The following TBK1 variants were observed in gnomAD, a reference collection of about 807,000 sequenced individuals.
The protein encoded by TBK1 is TANK binding kinase 1.
TBK1 carries 37 observed loss-of-function variants against 99.9 expected under a neutral mutation model. The ratio of observed to expected loss-of-function variants is 0.37; its 90% CI spans 0.28 to 0.49. The LOEUF is 0.49. Ranked by LOEUF, TBK1 falls within the 20% of genes least tolerant of loss-of-function variation. The probability of loss-of-function intolerance (pLI) is 0.98; values close to 1 mark genes in which losing one functional copy is unlikely to be tolerated. For synonymous variants in TBK1, 258 were observed against 279.8 expected (o/e 0.92, Z 0.78); for missense variants, 644 against 872.5 (o/e 0.74, Z 3.30).
At chr12:64,495,343 TA>T in intron 13 of TBK1, 139 bp from the exon 14 acceptor site, 3 of 1,121,850 alleles carry the variant, frequency 2.7e-6, no homozygotes, top group Non-Finnish European at 3.8e-6. Context: ...CTTTTGTATT[TA>T]AAAATGGAAA....
chr12:64,498,297 AACTT>A (rs2040950803), intron 20 of TBK1, among the ~76,000 whole-genome samples: 1 of 152,234 alleles, frequency 6.6e-6, no homozygotes, highest in Non-Finnish European at 1.5e-5. Context: ...TTATTTTTAT[AACTT>A]AATTCATTGG....
chr12:64,475,763 C>T (rs2040705307), intron 6 of TBK1, among the ~76,000 whole-genome samples: 1 of 152,094 alleles, frequency 6.6e-6, no homozygotes, highest in Non-Finnish European at 1.5e-5. Flanking sequence ...TCCAGTCTGC[C>T]ATTGATGGGA....
chr12:64,500,321 C>T (rs1333782605), intron 20 of TBK1, among the ~76,000 whole-genome samples: 1 of 152,146 alleles, frequency 6.6e-6, no homozygotes, highest in East Asian at 1.9e-4. Flanking sequence ...AAGGTACCAC[C>T]TTTCTCCTAC....
At chr12:64,474,440 C>A in intron 6 of TBK1, 50 bp downstream of exon 6, 2 of 1,548,288 alleles carry the variant, frequency 1.3e-6, no homozygotes, top group Non-Finnish European at 1.8e-6. Context: ...AAAATGATTT[C>A]TGTCTTGGTT....
chr12:64,484,014 C>T (rs948892756), intron 8 of TBK1: 5 of 44,998 alleles, frequency 1.1e-4, no homozygotes, highest in African/African-American at 1.8e-4. Flanking sequence ...CTCACATACA[C>T]ACACACACAC....
In TBK1 at chr12:64,484,203, G is replaced by C. The variant is rs555968758; in HGVS notation, c.993-100G>C. On this transcript the variant is annotated intron_variant, in intron 8 of 20. Transcript: ENST00000331710. ...TTTATATGGACTGGTTATGATATTAGGGATATGAATTAGAAATGGATGTTG... is the reference window on the plus strand; with the variant it reads ...TTTATATGGACTGGTTATGATATTACGGATATGAATTAGAAATGGATGTTG... 2.5e-5 allele frequency: 19 copies of C among 751,436 alleles called. No individual in the cohort carries two copies. In the Admixed American group the frequency reaches 3.5e-4, roughly 14 times the overall value. The allele number at this position is 751,436 out of a possible 1,614,324, so 46.5% of individuals were successfully genotyped here. A position where few individuals can be genotyped will look rare whatever the true frequency, so the allele number is the denominator to read the frequency against.
At chr12:64,472,658 T>G (rs2040674060) in intron 5 of TBK1, among the ~76,000 whole-genome samples, 1 of 28,904 alleles carries the variant, frequency 3.5e-5, no homozygotes, top group East Asian at 1.3e-3. Context: ...GTGACTATGG[T>G]ATTAGTGCAG....
chr12:64,478,205 C>T (rs368317500), intron 6 of TBK1, among the ~76,000 whole-genome samples: 4 of 152,236 alleles, frequency 2.6e-5, no homozygotes, highest in Non-Finnish European at 4.4e-5. Flanking sequence ...TGCAGGAGTG[C>T]GGTGGCCTGA....
intron 8 of TBK1, among the ~76,000 whole-genome samples, chr12:64,483,122 T>G (rs1198607747): frequency 6.6e-6 from 1 of 152,248 alleles, no homozygotes; most frequent in Non-Finnish European, 1.5e-5. Context: ...ATAACTTAAT[T>G]GTACATTTTA....
intron 20 of TBK1, among the ~76,000 whole-genome samples, chr12:64,500,079 C>T (rs79927874): frequency 0.039 from 5,991 of 152,240 alleles, 391 homozygotes; most frequent in African/African-American, 0.14. Flanking sequence ...TTTAGTAAGT[C>T]AGTTCCTCCT....
intron 18 of TBK1, 38 bp from the exon 19 acceptor site, chr12:64,497,609 TG>T: frequency 8.0e-7 from 1 of 1,245,794 alleles, no homozygotes; most frequent in Non-Finnish European, 1.1e-6. Flanking sequence ...GTGATTAATG[TG>T]GGGTTTTTTT....
At chr12:64,471,842 A>G (rs2040665364) in intron 5 of TBK1, among the ~76,000 whole-genome samples, 2 of 140,228 alleles carry the variant, frequency 1.4e-5, no homozygotes, top group Admixed American at 7.4e-5. Context: ...AGCCACCCCA[A>G]GTTAATCACT....
At chr12:64,488,013 T>TA (rs1304382851) in intron 11 of TBK1, among the ~76,000 whole-genome samples, 1 of 152,222 alleles carries the variant, frequency 6.6e-6, no homozygotes, top group Non-Finnish European at 1.5e-5. Flanking sequence ...ATTCTCAGAT[T>TA]AGGGATGCTT....
chr12:64,465,251 A>AAC (rs1487818930), intron 4 of TBK1, among the ~76,000 whole-genome samples: 6 of 150,854 alleles, frequency 4.0e-5, no homozygotes, highest in East Asian at 1.9e-4. Flanking sequence ...TCAAAAAAAA[A>AAC]AAAAAAAAAA....
At chr12:64,474,484 T>G in intron 6 of TBK1, 94 bp downstream of exon 6, 2 of 1,230,130 alleles carry the variant, frequency 1.6e-6, no homozygotes, top group Non-Finnish European at 2.3e-6. Context: ...CTAATAAAAA[T>G]TGATTTAACA....
chr12:64,454,278 G>T (rs551008048), intron 1 of TBK1, among the ~76,000 whole-genome samples: 11 of 152,112 alleles, frequency 7.2e-5, no homozygotes, highest in Non-Finnish European at 1.3e-4. Context: ...ATGGAGTCTC[G>T]CTCTGTCACC....
rs1295230884 is a variant in TBK1 at position 64,495,539 on chromosome 12, A to G, written c.1578A>G (p.Leu526=). ...ETSLQDIDSR[L]SPGGSLADAW... ...GTCTTCAGGATATCGACAGCAGATT[A>G]TCTCCAGGTGGATCACTGGCAGACG... Residue 526 remains leucine, a synonymous_variant, in exon 14 of 21, where the codon TTA becomes TTG. Coordinates refer to ENST00000331710, the MANE Select transcript of TBK1 (RefSeq NM_013254.4). 1 of 1,614,148 alleles carries G rather than the reference A, an allele frequency of 6.2e-7. No individual in the cohort carries two copies. The highest frequency in any genetic ancestry group is 2.2e-5 in the East Asian group (1 of 44,872).
chr12:64,472,991 G>C (rs566053045), intron 5 of TBK1, among the ~76,000 whole-genome samples: 5 of 152,242 alleles, frequency 3.3e-5, no homozygotes, highest in Non-Finnish European at 5.9e-5. Context: ...ATTGATTCTA[G>C]AGAATTTAAT....
At chr12:64,471,679 A>G (rs2040663877) in intron 5 of TBK1, among the ~76,000 whole-genome samples, 1 of 152,104 alleles carries the variant, frequency 6.6e-6, no homozygotes, top group South Asian at 2.1e-4. Flanking sequence ...AATATGATGG[A>G]TATCATCTCA....
Sources: allele counts gnomAD v4.1 joint callset (sites outside exome capture counted in the v4.1 genomes callset), GRCh38; gene constraint gnomAD v4.1.1; transcripts MANE v1.5; gene names NCBI Gene and HGNC (gene_info 2026-07-23, HGNC 2026-07-21).